Variants in GRIA4 observed in about 807,000 individuals in gnomAD.
GRIA4 encodes glutamate receptor 4.
A neutral mutation model predicts 104.0 loss-of-function variants in GRIA4; 34 were observed. The ratio of observed to expected loss-of-function variants is 0.33; its 90% CI spans 0.25 to 0.44. The LOEUF is 0.44. Among genes scored for constraint, GRIA4 ranks in the 20% least tolerant of loss-of-function variants. GRIA4 has a pLI of 1.00. For missense variants in GRIA4, 750 were observed against 1,096.5 expected (o/e 0.68, Z 4.46); for synonymous variants, 386 against 381.9 (o/e 1.01, Z -0.13).
At chr11:105,824,012 G>C (rs1168172544) in intron 4 of GRIA4, among the ~76,000 whole-genome samples, 1 of 152,094 alleles carries the variant, frequency 6.6e-6, no homozygotes, top group Non-Finnish European at 1.5e-5. Flanking sequence ...TGTGAGGATG[G>C]AGGGAGAAGG....
intron 4 of GRIA4, among the ~76,000 whole-genome samples, chr11:105,847,661 T>C (rs1414312086): frequency 1.3e-5 from 2 of 152,154 alleles, no homozygotes; most frequent in African/African-American, 4.8e-5. Context: ...GAAAAGGTAA[T>C]CCTACCTCCC....
chr11:105,631,601 G>A (rs928692267), intron 3 of GRIA4, among the ~76,000 whole-genome samples: 16 of 152,048 alleles, frequency 1.1e-4, no homozygotes, highest in African/African-American at 3.6e-4. Flanking sequence ...CTGTTAATAT[G>A]CAGCTTCTTT....
intron 4 of GRIA4, among the ~76,000 whole-genome samples, chr11:105,795,256 T>G (rs1942433223): frequency 6.6e-6 from 1 of 152,126 alleles, no homozygotes; most frequent in African/African-American, 2.4e-5. Context: ...CACTCCAGTC[T>G]AGAAGGCAGG....
chr11:105,728,571 G>T (rs934935648), intron 3 of GRIA4, among the ~76,000 whole-genome samples: 2 of 152,078 alleles, frequency 1.3e-5, no homozygotes, highest in Non-Finnish European at 2.9e-5. Context: ...GCACCACATA[G>T]CACTTATTCT....
At chr11:105,933,418 T>C (rs1385304343) in intron 13 of GRIA4, among the ~76,000 whole-genome samples, 1 of 152,058 alleles carries the variant, frequency 6.6e-6, no homozygotes, top group African/African-American at 2.4e-5. Flanking sequence ...GCAGTCTACA[T>C]AGAAAAAAAC....
At chr11:105,640,287 T>C (rs1951322333) in intron 3 of GRIA4, among the ~76,000 whole-genome samples, 1 of 151,964 alleles carries the variant, frequency 6.6e-6, no homozygotes, top group African/African-American at 2.4e-5. Flanking sequence ...TTTCTTGTAT[T>C]CTCAGAATTT....
At chr11:105,904,130 T>G (rs911494933) in intron 8 of GRIA4, 149 bp downstream of exon 8, 1 of 613,698 alleles carries the variant, frequency 1.6e-6, no homozygotes, top group African/African-American at 1.9e-5. Context: ...CATTTCTACA[T>G]AAAATACAAG....
chr11:105,858,364 A>G (rs1939154), intron 4 of GRIA4, among the ~76,000 whole-genome samples: 41,828 of 151,904 alleles, frequency 0.28, 7,496 homozygotes, highest in African/African-American at 0.51. Context: ...CTATCTTTTT[A>G]AAAATGTTCT....
intron 10 of GRIA4, chr11:105,912,930 G>T (rs1021320660): frequency 4.1e-6 from 4 of 978,880 alleles, no homozygotes; most frequent in Non-Finnish European, 2.4e-6. Flanking sequence ...TTTAATATAT[G>T]TGATACCTAT....
intron 4 of GRIA4, among the ~76,000 whole-genome samples, chr11:105,803,859 A>AG (rs1031601410): frequency 1.3e-5 from 2 of 150,762 alleles, no homozygotes; most frequent in African/African-American, 4.9e-5. Flanking sequence ...AAAAAAAAAA[A>AG]AAAGAGAGAG....
At chr11:105,647,683 T>C (rs1951568367) in intron 3 of GRIA4, among the ~76,000 whole-genome samples, 1 of 152,124 alleles carries the variant, frequency 6.6e-6, no homozygotes, top group Admixed American at 6.6e-5. Flanking sequence ...TTCAGCAAAC[T>C]AATGCAGGAA....
intron 6 of GRIA4, among the ~76,000 whole-genome samples, chr11:105,888,075 A>G (rs1946329542): frequency 6.6e-6 from 1 of 152,138 alleles, no homozygotes; most frequent in South Asian, 2.1e-4. Context: ...TTTTTATGAA[A>G]TTCTTAAAGG....
intron 4 of GRIA4, among the ~76,000 whole-genome samples, chr11:105,756,692 C>T (rs1940330663): frequency 6.6e-6 from 1 of 151,342 alleles, no homozygotes; most frequent in African/African-American, 2.4e-5. Context: ...AACAAAACTT[C>T]AAGTCTAAAA....
chr11:105,918,747 A>C lies in GRIA4; in HGVS notation c.1305A>C (p.Glu435Asp), dbSNP rs1362587701. Residue 435 changes from glutamate to aspartate, a missense_variant, in exon 11 of 17, where the codon GAA becomes GAC. Coordinates refer to ENST00000282499, the MANE Select transcript of GRIA4 (RefSeq NM_000829.4). Reference sequence around the variant, plus strand: ...ATGTTATGTACAAGAAAAATCATGAAATGTTTGAAGGAAATGACAAGTATG... The same window carrying C: ...ATGTTATGTACAAGAAAAATCATGACATGTTTGAAGGAAATGACAAGTATG... The part of the protein sequence containing the change: ...SPYVMYKKNH[E>D]MFEGNDKYEG... 6.3e-7 allele frequency: 1 copy of C among 1,589,464 alleles called. No individual in the cohort carries two copies. The highest frequency in any genetic ancestry group is 8.6e-7 in the Non-Finnish European group (1 of 1,158,132).
At chr11:105,740,094 A>G (rs1343812988) in intron 3 of GRIA4, among the ~76,000 whole-genome samples, 1 of 152,200 alleles carries the variant, frequency 6.6e-6, no homozygotes, top group Non-Finnish European at 1.5e-5. Flanking sequence ...CATCACCCTG[A>G]TAAAACAAAA....
At chr11:105,787,121 A>C (rs1942002625) in intron 4 of GRIA4, among the ~76,000 whole-genome samples, 1 of 152,144 alleles carries the variant, frequency 6.6e-6, no homozygotes, top group Non-Finnish European at 1.5e-5. Flanking sequence ...AAGACAACTA[A>C]TTGAGCACTG....
chr11:105,862,807 G>T (rs934138357), intron 5 of GRIA4, among the ~76,000 whole-genome samples: 1 of 152,188 alleles, frequency 6.6e-6, no homozygotes, highest in Non-Finnish European at 1.5e-5. Context: ...AATATTTGTT[G>T]ATTTGATTTG....
chr11:105,677,888 G>A (rs547427828), intron 3 of GRIA4, among the ~76,000 whole-genome samples: 2 of 152,050 alleles, frequency 1.3e-5, no homozygotes, highest in African/African-American at 4.8e-5. Flanking sequence ...CAGAGACTCT[G>A]TAGATTATGA....
chr11:105,829,155 T>C lies in GRIA4; in HGVS notation c.488-32869T>C, dbSNP rs138947514. On this transcript the variant is annotated intron_variant, in intron 4 of 16. Coordinates refer to ENST00000282499, the MANE Select transcript of GRIA4 (RefSeq NM_000829.4). ...CTCAGCAGTTCCTATTATAACCCTT[T>C]TACAGATAGGAATAATGAGGCTCAT... Among the ~76,000 whole-genome samples the C allele has an allele frequency of 7.0e-3, 1,057 of 151,680 alleles. 11 individuals are homozygous for C. The highest frequency in any genetic ancestry group is 0.024 in the African/African-American group (980 of 41,360).
Sources: gnomAD v4.1 joint callset for allele counts (sites outside exome capture counted in the v4.1 genomes callset) on GRCh38, gnomAD v4.1.1 for gene constraint, MANE v1.5 for transcripts, NCBI Gene and HGNC (gene_info 2026-07-23, HGNC 2026-07-21) for gene names.